GCM1: variants seen among roughly 807,000 people sequenced by gnomAD.
GCM1 encodes the protein GCM transcription factor 1.
Under a neutral mutation model 25.7 loss-of-function variants are expected in GCM1, and 2 were observed. That is an observed-to-expected ratio of 0.08 (90% CI 0.03 to 0.24). The LOEUF is 0.24. GCM1 is among the 10% of genes least tolerant of loss of function. GCM1 has a pLI of 1.00. For synonymous variants in GCM1, 183 were observed against 195.7 expected, an observed-to-expected ratio of 0.94 and a Z score of 0.54; for missense variants, 395 against 538.7, an observed-to-expected ratio of 0.73 and a Z score of 2.64.
chr6:53,136,979 TAA>T (rs879299005), intron 2 of GCM1, among the ~76,000 whole-genome samples: 1 of 139,394 alleles, frequency 7.2e-6, no homozygotes. Context: ...TCTGTTTCAA[TAA>T]AAAAAAAAAG....
chr6:53,128,606 C>T lies in GCM1; in HGVS notation c.911G>A (p.Gly304Glu). 1 of 1,614,088 alleles carries T rather than the reference C, an allele frequency of 6.2e-7. No individual in the cohort carries two copies. Among genetic ancestry groups the T allele is most frequent in the Non-Finnish European group, 8.5e-7 (1 of 1,179,992 alleles). Residue 304 changes from glycine (G) to glutamate (E), a missense_variant, in exon 6 of 6, where the codon GGG becomes GAG. This residue lies in a region of GCM1 where 291 missense variants were observed against 314.6 expected (regional missense o/e 0.92). Transcript: ENST00000259803. ...LQAWSKNAAL[G>E]RNHLADNCYS... ...ACAGTTGTCAGCAAGATGATTTCTC[C>T]CCAAAGCAGCATTTTTACTCCACGC...
intron 2 of GCM1, among the ~76,000 whole-genome samples, chr6:53,142,054 GA>G (rs1232066719): frequency 1.7e-5 from 1 of 58,672 alleles, no homozygotes; most frequent in Non-Finnish European, 3.5e-5. Flanking sequence ...GAAAGAAAAA[GA>G]AAGAAAGAAG....
chr6:53,141,024 A>C (rs1411980548), intron 2 of GCM1, among the ~76,000 whole-genome samples: 3 of 152,028 alleles, frequency 2.0e-5, no homozygotes, highest in Non-Finnish European at 4.4e-5. Flanking sequence ...TTTTTCCTCT[A>C]ACCTTACACA....
At chr6:53,141,030 A>T (rs1020161673) in intron 2 of GCM1, among the ~76,000 whole-genome samples, 1 of 152,112 alleles carries the variant, frequency 6.6e-6, no homozygotes, top group African/African-American at 2.4e-5. Flanking sequence ...CTCTAACCTT[A>T]CACAAACTCT....
At chr6:53,146,946 A>G (rs1036408743) in intron 1 of GCM1, among the ~76,000 whole-genome samples, 10 of 152,104 alleles carry the variant, frequency 6.6e-5, no homozygotes, top group Admixed American at 4.6e-4. Context: ...GAGGTGGAGG[A>G]TTACCCGAGC....
intron 2 of GCM1, among the ~76,000 whole-genome samples, chr6:53,142,586 T>C (rs1412413059): frequency 6.6e-6 from 1 of 152,204 alleles, no homozygotes; most frequent in African/African-American, 2.4e-5. Flanking sequence ...AGGCAGGATA[T>C]GTGGAGAATT....
At position 53,143,341 on chromosome 6, in the gene GCM1, G is replaced by A. The variant is rs576810047; in HGVS notation, c.75+2217C>T. On this transcript the variant is annotated intron_variant, in intron 2 of 5. Transcript: ENST00000259803. ...GAACATGAACTTTTATGAGCCTCAA[G>A]TTTCCCTATAGGAAAGAGGTCTTCA... Among the ~76,000 whole-genome samples, 3 of 152,272 alleles carry A rather than the reference G, an allele frequency of 2.0e-5. No individual in the cohort carries two copies. The South Asian group carries it at 6.2e-4, about 32-fold the overall frequency.
In GCM1 at chr6:53,132,027, C is replaced by T; in HGVS notation, c.421G>A (p.Gly141Arg). The T allele has an allele frequency of 1.2e-6, 2 of 1,607,038 alleles. No homozygotes were observed. The highest frequency in any genetic ancestry group is 1.1e-5 in the South Asian group (1 of 90,902). ...FPVTNFWRHD[G>R]RFIFFQSKGE... ...CCAACCTGGAAAAATATAAAGCGTC[C>T]GTCGTGCCTCCAGAAGTTGGTGACC... Residue 141 changes from glycine (G) to arginine (R), a missense_variant, in exon 4 of 6, where the codon GGA becomes AGA. Gly to Arg is a moderately radical substitution (Grantham distance 125). This residue lies in a region of GCM1 where 32 missense variants were observed against 97.7 expected (regional missense o/e 0.33). Coordinates refer to ENST00000259803, the MANE Select transcript of GCM1 (RefSeq NM_003643.4).
chr6:53,138,365 C>A (rs1763830089), intron 2 of GCM1, among the ~76,000 whole-genome samples: 1 of 150,958 alleles, frequency 6.6e-6, no homozygotes, highest in Non-Finnish European at 1.5e-5. Context: ...TCACATCAAG[C>A]TAGTCTCTGG....
intron 3 of GCM1, 136 bp downstream of exon 3, chr6:53,133,936 T>A: frequency 1.2e-6 from 1 of 849,178 alleles, no homozygotes; most frequent in Non-Finnish European, 1.8e-6. Context: ...ATGCTCCATG[T>A]CAGAACAGCC....
At chr6:53,133,685 G>A in intron 3 of GCM1, among the ~76,000 whole-genome samples, 1 of 151,978 alleles carries the variant, frequency 6.6e-6, no homozygotes. Flanking sequence ...TAGGGGTTGG[G>A]GTCTTCTTAT....
chr6:53,131,906 C>T (rs1219708916), intron 4 of GCM1, 101 bp downstream of exon 4: 5 of 743,822 alleles, frequency 6.7e-6, no homozygotes, highest in South Asian at 4.4e-5. Context: ...AGAGTGTGAG[C>T]CCTCGGGGAT....
Position 53,128,446 on chromosome 6 carries a change from T to C in GCM1, c.1071A>G (p.Pro357=). The C allele has an allele frequency of 6.2e-7, 1 of 1,614,152 alleles. No homozygotes were observed. Among genetic ancestry groups the C allele is most frequent in the Non-Finnish European group, 8.5e-7 (1 of 1,180,000 alleles). The change falls in exon 6 of 6, where the codon CCA becomes CCG. Residue 357 remains proline (P), a synonymous_variant. Transcript: ENST00000259803. ...AAKTGCPPLW[P]NPAGNLYEEK... is the part of the protein sequence containing the mutation. ...CTTCATAAAGATTACCCGCTGGATT[T>C]GGCCATAATGGGGGACAGCCAGTTT...
Position 53,137,751 on chromosome 6 carries a change from G to A in GCM1, c.76-3427C>T, listed in dbSNP as rs147637281. 3.8e-4 allele frequency among the ~76,000 whole-genome samples: 58 copies of A among 152,316 alleles called. 1 individual carries two copies. In the East Asian group the frequency reaches 9.8e-3, roughly 26 times the overall value. On this transcript the variant is annotated intron_variant, in intron 2 of 5. Transcript: ENST00000259803. ...GTCAGGATAGCAGAGATGAGGGCAA[G>A]GTAGACTTAGAGGAAAGCTGAGATT...
Sources: gnomAD v4.1 joint callset for allele counts (sites outside exome capture counted in the v4.1 genomes callset) on GRCh38, gnomAD v4.1.1 for gene constraint, gnomAD v4.1.1 regional missense constraint, MANE v1.5 for transcripts, NCBI Gene and HGNC (gene_info 2026-07-23, HGNC 2026-07-21) for gene names.